The following GRIK2 variants were observed in gnomAD, a reference collection of about 807,000 sequenced individuals.
GRIK2 encodes glutamate receptor ionotropic, kainate 2.
A neutral mutation model predicts 100.3 loss-of-function variants in GRIK2; 32 were observed. That is an observed-to-expected ratio of 0.32 (90% confidence interval 0.24 to 0.43). The LOEUF (loss-of-function observed/expected upper bound fraction) is 0.43, where lower values mean the gene tolerates loss of function less well. Ranked by LOEUF, GRIK2 falls within the 20% of genes least tolerant of loss-of-function variation. GRIK2 has a pLI of 1.00. For synonymous variants in GRIK2, 417 were observed against 389.4 expected, an observed-to-expected ratio of 1.07 and a Z score of -0.83; for missense variants, 843 against 1,114.9, an observed-to-expected ratio of 0.76 and a Z score of 3.47.
intron 2 of GRIK2, among the ~76,000 whole-genome samples, chr6:101,576,209 C>A (rs1777780077): frequency 6.6e-6 from 1 of 151,978 alleles, no homozygotes; most frequent in Non-Finnish European, 1.5e-5. Context: ...AAAAACATGT[C>A]TCTAAGCACT....
chr6:101,490,522 G>C (rs1394339377), intron 2 of GRIK2, among the ~76,000 whole-genome samples: 1 of 146,546 alleles, frequency 6.8e-6, no homozygotes, highest in East Asian at 1.9e-4. Context: ...AGAAGGAAAG[G>C]GACTTTAGCT....
At chr6:102,037,649 A>G (rs1210522112) in intron 15 of GRIK2, among the ~76,000 whole-genome samples, 1 of 151,394 alleles carries the variant, frequency 6.6e-6, no homozygotes, top group African/African-American at 2.4e-5. Context: ...ATGTATTAAA[A>G]TGATTGTGTT....
At chr6:101,514,090 T>C (rs1399729236) in intron 2 of GRIK2, among the ~76,000 whole-genome samples, 1 of 152,032 alleles carries the variant, frequency 6.6e-6, no homozygotes, top group Non-Finnish European at 1.5e-5. Context: ...TAAGTAGAGA[T>C]TACAAGATAA....
At chr6:101,539,786 A>G (rs1447130549) in intron 2 of GRIK2, among the ~76,000 whole-genome samples, 2 of 151,216 alleles carry the variant, frequency 1.3e-5, no homozygotes, top group Admixed American at 6.6e-5. Context: ...TGGCTGTAGG[A>G]TTTTTTTTTA....
At chr6:101,671,979 T>G (rs1044860400) in intron 4 of GRIK2, among the ~76,000 whole-genome samples, 15 of 152,116 alleles carry the variant, frequency 9.9e-5, no homozygotes, top group African/African-American at 3.1e-4. Flanking sequence ...AGATAAAACT[T>G]TCATTTAGAA....
intron 2 of GRIK2, among the ~76,000 whole-genome samples, chr6:101,508,893 C>T (rs923741955): frequency 6.6e-6 from 1 of 152,168 alleles, no homozygotes; most frequent in African/African-American, 2.4e-5. Flanking sequence ...TGGTGGCTCA[C>T]GCCTGTAATC....
At chr6:101,685,838 A>G (rs1020655774) in intron 6 of GRIK2, among the ~76,000 whole-genome samples, 2 of 152,190 alleles carry the variant, frequency 1.3e-5, no homozygotes, top group African/African-American at 4.8e-5. Flanking sequence ...CACAGAAAAA[A>G]TTAAAGCAAA....
intron 14 of GRIK2, among the ~76,000 whole-genome samples, chr6:101,999,834 A>T (rs1348472232): frequency 6.6e-6 from 1 of 151,962 alleles, no homozygotes; most frequent in Non-Finnish European, 1.5e-5. Flanking sequence ...CGGGTTGGGG[A>T]ATTTTCCTTT....
intron 2 of GRIK2, among the ~76,000 whole-genome samples, chr6:101,604,501 G>A (rs188531970): frequency 6.6e-6 from 1 of 151,948 alleles, no homozygotes; most frequent in East Asian, 1.9e-4. Flanking sequence ...GAATGCCATA[G>A]CTTTAAGTGC....
At chr6:101,869,968 C>G (rs888900620) in intron 11 of GRIK2, among the ~76,000 whole-genome samples, 1 of 151,940 alleles carries the variant, frequency 6.6e-6, no homozygotes, top group African/African-American at 2.4e-5. Context: ...ACCAACTAAG[C>G]AGGCCCAATT....
chr6:101,700,099 G>A (rs938703271), intron 7 of GRIK2, among the ~76,000 whole-genome samples: 3 of 151,996 alleles, frequency 2.0e-5, no homozygotes, highest in Admixed American at 1.3e-4. Context: ...GCAGTGAGCC[G>A]TGATCATGCA....
chr6:101,813,157 A>C (rs978433348), intron 9 of GRIK2, among the ~76,000 whole-genome samples: 3 of 152,042 alleles, frequency 2.0e-5, no homozygotes, highest in African/African-American at 7.2e-5. Flanking sequence ...ACACACACAC[A>C]CACATATACA....
intron 12 of GRIK2, among the ~76,000 whole-genome samples, chr6:101,903,178 G>T (rs1270197459): frequency 6.6e-6 from 1 of 151,816 alleles, no homozygotes; most frequent in African/African-American, 2.4e-5. Context: ...TTATTAACTA[G>T]AATTATTTTG....
chr6:101,775,827 GGAGA>G (rs746085161), intron 7 of GRIK2, among the ~76,000 whole-genome samples: 4 of 149,538 alleles, frequency 2.7e-5, no homozygotes, highest in African/African-American at 7.3e-5. Flanking sequence ...ATATATATAT[GGAGA>G]GAGAGAGAGA....
At chr6:101,429,031 G>C (rs950469671) in intron 2 of GRIK2, among the ~76,000 whole-genome samples, 1 of 152,154 alleles carries the variant, frequency 6.6e-6, no homozygotes, top group Non-Finnish European at 1.5e-5. Context: ...GCTGACATTT[G>C]CACCTCAACC....
rs1780521219 is a variant in GRIK2, at chr6:101,799,277, T to TG, written c.952-371_952-370insG. 2.7e-5 allele frequency among the ~76,000 whole-genome samples: 4 copies of TG among 146,540 alleles called. No homozygotes were observed. The South Asian group carries it at 8.6e-4, about 32-fold the overall frequency. ...ATTAAAAATGTTAGCAATGTACTCA[T>TG]TGTGTGTGTGTGTGTGTGTGTGTGT... On this transcript the variant is annotated intron_variant, in intron 7 of 16. Coordinates refer to ENST00000369134, the MANE Select transcript of GRIK2 (RefSeq NM_021956.5).
intron 14 of GRIK2, among the ~76,000 whole-genome samples, chr6:101,940,544 T>C (rs955967145): frequency 6.6e-6 from 1 of 152,150 alleles, no homozygotes; most frequent in Non-Finnish European, 1.5e-5. Flanking sequence ...TCATCTTTAT[T>C]CTGGGTGATG....
intron 2 of GRIK2, among the ~76,000 whole-genome samples, chr6:101,584,403 TAATGC>T (rs1365156378): frequency 6.6e-6 from 1 of 152,084 alleles, no homozygotes; most frequent in African/African-American, 2.4e-5. Flanking sequence ...TGGTCTAGTT[TAATGC>T]AATTTCACAG....
At chr6:101,858,402 T>G (rs935101959) in intron 10 of GRIK2, among the ~76,000 whole-genome samples, 1 of 147,822 alleles carries the variant, frequency 6.8e-6, no homozygotes, top group African/African-American at 2.5e-5. Flanking sequence ...TTTTTTTTTT[T>G]TTTGAGACGG....
Sources: allele counts gnomAD v4.1 joint callset (sites outside exome capture counted in the v4.1 genomes callset), GRCh38; gene constraint gnomAD v4.1.1; transcripts MANE v1.5; gene names NCBI Gene and HGNC (gene_info 2026-07-23, HGNC 2026-07-21).